The following DUOX1 variants were observed in gnomAD, a reference collection of about 807,000 sequenced individuals.
The protein encoded by DUOX1 is dual oxidase 1, also known as NADPH thyroid oxidase 1.
Under a neutral mutation model 181.8 loss-of-function variants are expected in DUOX1, and 134 were observed. The observed-to-expected ratio is 0.74, with a 90% CI of 0.64 to 0.85. The LOEUF is 0.85. DUOX1 is among the 40% of genes least tolerant of loss of function. The pLI is 0.00. For synonymous variants in DUOX1, 798 were observed against 832.5 expected (o/e 0.96, Z 0.71); for missense variants, 1,814 against 2,064.4 (o/e 0.88, Z 2.35).
In DUOX1 at chr15:45,148,369, G is replaced by A; in HGVS notation, c.2740G>A (p.Glu914Lys). 6.2e-7 allele frequency: 1 copy of A among 1,614,230 alleles called. No homozygotes were observed. The highest frequency in any genetic ancestry group is 8.5e-7 in the Non-Finnish European group (1 of 1,180,046). Residue 914 changes from glutamate (E) to lysine (K), a missense_variant, in exon 21 of 34, where the codon GAA becomes AAA. By Grantham distance (56) the Glu-to-Lys change is moderately conservative. Transcript: ENST00000389037. ...FRESGFQDKE[E>K]LTWEDFHFML... The stretch of plus-strand genomic sequence containing the variant: ...GGAGTCGGGATTCCAGGACAAGGAG[G>A]AACTGACATGGGAAGATTTTCACTT...
rs748318304 is a variant in DUOX1 at position 45,141,352 on chromosome 15, C to T, written c.1626C>T (p.Val542=). ...ATACCACCCTGCAGGACGTGCTGGTCGCTGTTATCAACATTGACCCCAGTG... is the reference window on the plus strand; with the variant it reads ...ATACCACCCTGCAGGACGTGCTGGTTGCTGTTATCAACATTGACCCCAGTG... ...IRNTTLQDVL[V]AVINIDPSAL... The change falls in exon 14 of 34, where the codon GTC becomes GTT. Residue 542 remains valine (V), a synonymous_variant. Coordinates refer to ENST00000389037, the MANE Select transcript of DUOX1 (RefSeq NM_175940.3). 12 of 1,614,232 alleles carry T rather than the reference C, an allele frequency of 7.4e-6. No homozygotes were observed. Among genetic ancestry groups the T allele is most frequent in the East Asian group, 4.5e-5 (2 of 44,886 alleles).
chr15:45,148,178 G>A lies in DUOX1; in HGVS notation c.2643-94G>A, dbSNP rs191062753. The A allele has an allele frequency of 1.4e-4, 221 of 1,574,928 alleles. 3 individuals are homozygous for A. In the African/African-American group the frequency reaches 2.8e-3, roughly 20 times the overall value. ...TGGCCAGTCGGGGCCCCTCCACATG[G>A]GCACAGAGAACTTGGTGCGATGGAG... On this transcript the variant is annotated intron_variant, in intron 20 of 33. Coordinates refer to ENST00000389037, the MANE Select transcript of DUOX1 (RefSeq NM_175940.3).
intron 30 of DUOX1, 57 bp from the exon 31 acceptor site, chr15:45,162,162 G>A: frequency 6.4e-7 from 1 of 1,565,068 alleles, no homozygotes; most frequent in Non-Finnish European, 8.7e-7. Context: ...TCTCATTTCT[G>A]GCTTCCGATC....
chr15:45,159,882 C>T (rs1897054422), intron 28 of DUOX1, among the ~76,000 whole-genome samples: 1 of 152,250 alleles, frequency 6.6e-6, no homozygotes, highest in East Asian at 1.9e-4. Context: ...TGGCCGCGCG[C>T]GGTGGCTCAC....
Position 45,152,343 on chromosome 15 carries a change from T to A in DUOX1, c.3251T>A (p.Ile1084Asn). The A allele has an allele frequency of 6.2e-7, 1 of 1,614,196 alleles. No individual in the cohort carries two copies. Among genetic ancestry groups the A allele is most frequent in the East Asian group, 2.2e-5 (1 of 44,878 alleles). ...GITDTTRVGI[I>N]LSRGTAASIS... is the part of the protein sequence containing the mutation. Reference sequence around the variant, plus strand: ...ACAGACACCACCCGCGTGGGAATCATCCTGTCGCGGGGCACAGCAGCCAGC... The same window carrying A: ...ACAGACACCACCCGCGTGGGAATCAACCTGTCGCGGGGCACAGCAGCCAGC... The change falls in exon 25 of 34, where the codon ATC (isoleucine) becomes AAC (asparagine). Residue 1084 changes from isoleucine to asparagine, a missense_variant. By Grantham distance (149) the Ile-to-Asn change is moderately radical. Transcript: ENST00000389037.
Position 45,139,557 on chromosome 15 carries a change from C to A in DUOX1, c.1347C>A (p.Arg449=). The change falls in exon 12 of 34, where the codon CGC becomes CGA. Residue 449 remains arginine (R), a synonymous_variant. Transcript: ENST00000389037. The part of the protein sequence containing the change: ...RAALGLSPIT[R]WQDINPALSR... ...CACTGGGCTTGTCTCCCATTACCCGCTGGCAGGACATCAACCCTGCACTCT... is the reference window on the plus strand; with the variant it reads ...CACTGGGCTTGTCTCCCATTACCCGATGGCAGGACATCAACCCTGCACTCT... The A allele has an allele frequency of 6.2e-7, 1 of 1,611,176 alleles. No homozygotes were observed. The highest frequency in any genetic ancestry group is 1.1e-5 in the South Asian group (1 of 90,688).
chr15:45,137,854 G>A, intron 9 of DUOX1, 70 bp from the exon 10 acceptor site: 1 of 1,310,392 alleles, frequency 7.6e-7, no homozygotes. Flanking sequence ...CCGCCTCAGA[G>A]ACCAGAACTG....
At chr15:45,141,782 G>A (rs1007834138) in intron 14 of DUOX1, 193 bp from the exon 15 acceptor site, 4 of 502,650 alleles carry the variant, frequency 8.0e-6, no homozygotes, top group African/African-American at 4.4e-5. Flanking sequence ...GTGTGTGTGT[G>A]TACACTTCTG....
intron 15 of DUOX1, 109 bp downstream of exon 15, chr15:45,142,221 C>T (rs1896518729): frequency 2.4e-6 from 3 of 1,264,282 alleles, no homozygotes; most frequent in Non-Finnish European, 3.3e-6. Context: ...GAGCATGGTC[C>T]CTTTGGGTAG....
At chr15:45,137,481 A>G (rs1896354518) in intron 9 of DUOX1, among the ~76,000 whole-genome samples, 1 of 152,064 alleles carries the variant, frequency 6.6e-6, no homozygotes, top group African/African-American at 2.4e-5. Context: ...AAAACAATTC[A>G]TAGATTAGAT....
intron 22 of DUOX1, 118 bp from the exon 23 acceptor site, chr15:45,151,005 C>A: frequency 7.0e-7 from 1 of 1,421,722 alleles, no homozygotes; most frequent in Non-Finnish European, 9.7e-7. Flanking sequence ...ATCCTGCTGT[C>A]CCCTTGCTGA....
rs1896488929 is a variant in DUOX1 at position 45,141,396 on chromosome 15, T to G, written c.1670T>G (p.Phe557Cys). The G allele has an allele frequency of 1.9e-6, 3 of 1,614,102 alleles. No individual in the cohort carries two copies. Among genetic ancestry groups the G allele is most frequent in the Non-Finnish European group, 2.5e-6 (3 of 1,180,058 alleles). Residue 557 changes from phenylalanine to cysteine, a missense_variant, in exon 14 of 34, where the codon TTT becomes TGT. This residue lies in a region of DUOX1 where 1,064 missense variants were observed against 1,152.9 expected (regional missense o/e 0.92). Transcript: ENST00000389037. ...IDPSALQPNV[F>C]VWHKGDPCPQ... ...CCCAGTGCTCTGCAGCCCAATGTCT[T>G]TGTCTGGCATAAAGGTGAGTGGCCA...
intron 2 of DUOX1, among the ~76,000 whole-genome samples, chr15:45,132,794 T>C (rs1472823948): frequency 1.3e-5 from 2 of 152,154 alleles, no homozygotes; most frequent in Non-Finnish European, 2.9e-5. Flanking sequence ...AGCTCTCACC[T>C]CTTATCCCCA....
Position 45,143,004 on chromosome 15 carries a change from AC to A in DUOX1, c.1823-183del, listed in dbSNP as rs1258652506. On this transcript the variant is annotated intron_variant, in intron 15 of 33. Transcript: ENST00000389037. ...AGGAAGGGTGGGTATCTTAGATGCT[AC>A]CCAAAGCTCCCCATGGGATGCAGAG... 2.0e-5 allele frequency among the ~76,000 whole-genome samples: 3 copies of A among 152,096 alleles called. No homozygotes were observed. The East Asian group carries it at 5.8e-4, about 30-fold the overall frequency.
chr15:45,152,607 T>TA, intron 25 of DUOX1, 91 bp downstream of exon 25: 1 of 1,205,348 alleles, frequency 8.3e-7, no homozygotes, highest in Non-Finnish European at 1.2e-6. Flanking sequence ...TGCTGGCACT[T>TA]ACCTTTAATG....
intron 1 of DUOX1, chr15:45,131,570 C>G (rs532419704): frequency 3.6e-4 from 82 of 225,456 alleles, no homozygotes; most frequent in African/African-American, 1.9e-3. Context: ...TCTCCTGATC[C>G]CCAAGCAGGG....
Position 45,161,957 on chromosome 15 carries a change from C to G in DUOX1, c.4076C>G (p.Ala1359Gly). 1 of 1,612,022 alleles carries G rather than the reference C, an allele frequency of 6.2e-7. No homozygotes were observed. The highest frequency in any genetic ancestry group is 8.5e-7 in the Non-Finnish European group (1 of 1,179,056). Residue 1359 changes from alanine (A) to glycine (G), a missense_variant, in exon 30 of 34, where the codon GCC becomes GGC. Physicochemically the swap from Ala to Gly is moderately conservative, Grantham distance 60. Transcript: ENST00000389037. ...TCAGCCCCGACGGGTGACAGATGTG[C>G]CAGATACCCAAAGGTACCAGACCCT... The part of the protein sequence containing the change: ...IYSAPTGDRC[A>G]RYPKLYLDGP...
chr15:45,161,892 G>C lies in DUOX1; in HGVS notation c.4011G>C (p.Arg1337=). ...PHEDTLSLHI[R]AAGPWTTRLR... is the part of the protein sequence containing the mutation. ...AGGACACGCTTAGCCTGCACATCCG[G>C]GCAGCAGGGCCCTGGACCACTCGCC... Residue 1337 remains arginine, a synonymous_variant, in exon 30 of 34, where the codon CGG becomes CGC. Transcript: ENST00000389037. The C allele has an allele frequency of 6.2e-7, 1 of 1,613,854 alleles. No homozygotes were observed. Among genetic ancestry groups the C allele is most frequent in the Non-Finnish European group, 8.5e-7 (1 of 1,179,990 alleles).
At chr15:45,135,440 A>G (rs977407624) in intron 5 of DUOX1, 34 bp from the exon 6 acceptor site, 15 of 1,537,788 alleles carry the variant, frequency 9.8e-6, no homozygotes, top group African/African-American at 1.4e-5. Flanking sequence ...GCCGCCGCCC[A>G]TCGACCCGGG....
Sources: gnomAD v4.1 joint callset for allele counts (sites outside exome capture counted in the v4.1 genomes callset) on GRCh38, gnomAD v4.1.1 for gene constraint, gnomAD v4.1.1 regional missense constraint, MANE v1.5 for transcripts, NCBI Gene and HGNC (gene_info 2026-07-23, HGNC 2026-07-21) for gene names.